Variants in FAM53A observed in about 807,000 individuals in gnomAD.
FAM53A encodes family with sequence similarity 53 member A, also known as protein FAM53A.
In FAM53A, 28 loss-of-function variants were observed where a neutral mutation model predicts 26.6. The ratio of observed to expected loss-of-function variants is 1.05; its 90% CI spans 0.78 to 1.45. The LOEUF is 1.45. Ranked by LOEUF, FAM53A falls within the 40% of genes most tolerant of loss-of-function variation. The probability of loss-of-function intolerance (pLI) is 0.00; values close to 1 mark genes in which losing one functional copy is unlikely to be tolerated. For synonymous variants in FAM53A, 290 were observed against 253.1 expected (o/e 1.15, Z -1.38); for missense variants, 650 against 575.8 (o/e 1.13, Z -1.32).
chr4:1,683,198 G>A (rs1715578436), intron 1 of FAM53A, among the ~76,000 whole-genome samples: 1 of 152,184 alleles, frequency 6.6e-6, no homozygotes, highest in South Asian at 2.1e-4. Flanking sequence ...TCTAAACAAT[G>A]TCAGTTTCCA....
At chr4:1,632,324 C>T (rs1159746451) in intron 1 of FAM53A, among the ~76,000 whole-genome samples, 4 of 152,170 alleles carry the variant, frequency 2.6e-5, no homozygotes, top group African/African-American at 7.2e-5. Context: ...GAAACGACCA[C>T]GTGCAGACAG....
At chr4:1,685,268 G>A (rs1197107629), upstream of FAM53A, among the ~76,000 whole-genome samples, 1 of 152,118 alleles carries the variant, frequency 6.6e-6, no homozygotes, top group Non-Finnish European at 1.5e-5. Context: ...CCTGGCGAGG[G>A]GCCCCTGGGG....
chr4:1,678,984 A>G (rs1053812181), intron 1 of FAM53A, among the ~76,000 whole-genome samples: 1 of 152,168 alleles, frequency 6.6e-6, no homozygotes, highest in Non-Finnish European at 1.5e-5. Context: ...GAGATACAAC[A>G]CTGAAGGCAC....
chr4:1,678,377 C>T (rs798733), intron 1 of FAM53A, among the ~76,000 whole-genome samples: 147,041 of 152,312 alleles, frequency 0.97, 71,189 homozygotes, highest in East Asian at 1. Context: ...GGCAAAAGAA[C>T]AGACAATTGT....
intron 1 of FAM53A, among the ~76,000 whole-genome samples, chr4:1,678,091 C>A (rs1046924132): frequency 3.9e-5 from 6 of 152,186 alleles, no homozygotes; most frequent in African/African-American, 1.4e-4. Context: ...ACCGTGTGTG[C>A]CCAGGCACAG....
At chr4:1,607,801 G>A in the FAM53A span, among the ~76,000 whole-genome samples, 1,035 of 152,322 alleles carry the variant, frequency 6.8e-3, 16 homozygotes, top group African/African-American at 0.022. Flanking sequence ...TTAGCTGGGC[G>A]TGGAGGCGTG....
chr4:1,654,950 T>A, intron 4 of FAM53A, 28 bp downstream of exon 4: 1 of 1,500,092 alleles, frequency 6.7e-7, no homozygotes, highest in Admixed American at 2.2e-5. Context: ...TACGCCCCTC[T>A]GAGCCCCTGG....
intron 1 of FAM53A, among the ~76,000 whole-genome samples, chr4:1,624,228 A>C (rs1715181217): frequency 6.6e-6 from 1 of 152,222 alleles, no homozygotes; most frequent in African/African-American, 2.4e-5. Flanking sequence ...TCTGTGACAC[A>C]GTGGCCATGT....
At chr4:1,637,634 CAGGGGTGG>C (rs1715905276), downstream of FAM53A, among the ~76,000 whole-genome samples, 1 of 93,634 alleles carries the variant, frequency 1.1e-5, no homozygotes, top group Non-Finnish European at 2.7e-5. Context: ...GGCAGCCCGG[CAGGGGTGG>C]GCAGGGGTGG....
At chr4:1,602,847 G>A in the FAM53A span, among the ~76,000 whole-genome samples, 33 of 152,186 alleles carry the variant, frequency 2.2e-4, no homozygotes, top group Non-Finnish European at 3.5e-4. Flanking sequence ...AGCCGGCTCC[G>A]GCGGGAGGGG....
At chr4:1,623,627 C>T (rs1280008506) in intron 1 of FAM53A, among the ~76,000 whole-genome samples, 1 of 152,214 alleles carries the variant, frequency 6.6e-6, no homozygotes, top group Non-Finnish European at 1.5e-5. Flanking sequence ...CGTCAGCAGA[C>T]GGCCGCCCGC....
chr4:1,639,358 T>C (rs1466122190), downstream of FAM53A, among the ~76,000 whole-genome samples: 2 of 152,168 alleles, frequency 1.3e-5, no homozygotes, highest in Non-Finnish European at 2.9e-5. Flanking sequence ...TCTCCACAAA[T>C]TTAATCCAAA....
Position 1,655,301 on chromosome 4 carries a change from G to T in FAM53A, c.559C>A (p.Pro187Thr). The T allele has an allele frequency of 7.0e-7, 1 of 1,423,914 alleles. No individual in the cohort carries two copies. Among genetic ancestry groups the T allele is most frequent in the Non-Finnish European group, 9.1e-7 (1 of 1,094,562 alleles). 88.2% of individuals were successfully genotyped at this position (1,423,914 alleles called of 1,614,324 possible). ...TGPTSPATPR[P>T]SSASGGFVDS... ...ACGAAGCCGCCGCTGGCGGAGGACG[G>T]CCGGGGCGTGGCGGGCGAGGTGGGA... Residue 187 changes from proline to threonine, a missense_variant, in exon 4 of 5, where the codon CCG (proline) becomes ACG (threonine). Physicochemically the swap from Pro to Thr is conservative, Grantham distance 38 (BLOSUM62 -1). Transcript: ENST00000308132.
chr4:1,655,060 C>T lies in FAM53A; in HGVS notation c.800G>A (p.Gly267Glu), dbSNP rs773442080. The change falls in exon 4 of 5, where the codon GGG becomes GAG. Residue 267 changes from glycine to glutamate, a missense_variant. Transcript: ENST00000308132. Reference protein sequence around the residue: ...RCRSQPCVLSGKRSRRKRRRE... With the variant: ...RCRSQPCVLSEKRSRRKRRRE... ...CCTCCGTTTGCGCCGGCTCCTCTTC[C>T]CACTGAGCACGCAAGGCTGTGAGCG... The T allele has an allele frequency of 6.3e-7, 1 of 1,599,094 alleles. No individual in the cohort carries two copies. The highest frequency in any genetic ancestry group is 1.1e-5 in the South Asian group (1 of 88,972).
intron 2 of FAM53A, 33 bp from the exon 3 acceptor site, chr4:1,657,501 T>C (rs780163571): frequency 1.3e-6 from 2 of 1,597,352 alleles, no homozygotes; most frequent in East Asian, 2.2e-5. Flanking sequence ...ATACTGTGAC[T>C]GACACGTGAG....
At chr4:1,605,172 C>T in the FAM53A span, among the ~76,000 whole-genome samples, 22 of 152,206 alleles carry the variant, frequency 1.4e-4, no homozygotes, top group South Asian at 2.1e-4. The surrounding 1 kb of genome is among the most constrained non-coding windows in gnomAD (Gnocchi z 5.7). Context: ...CCACGGCCTC[C>T]AGGCCCAGAA....
intron 1 of FAM53A, among the ~76,000 whole-genome samples, chr4:1,623,770 A>G (rs1715160892): frequency 6.6e-6 from 1 of 152,256 alleles, no homozygotes. Context: ...GGCGTCGGAC[A>G]GGGCTGCTAA....
the FAM53A span, among the ~76,000 whole-genome samples, chr4:1,590,495 C>T: frequency 6.6e-6 from 1 of 152,060 alleles, no homozygotes; most frequent in Admixed American, 6.6e-5. Flanking sequence ...CAATAAAAAC[C>T]TTTCCATTCC....
chr4:1,619,877 C>G (rs568703773), intron 1 of FAM53A, among the ~76,000 whole-genome samples: 18 of 152,322 alleles, frequency 1.2e-4, no homozygotes, highest in African/African-American at 4.1e-4. Context: ...AAGCTGTCCT[C>G]TCTCGCCTCA....
Sources: allele counts gnomAD v4.1 joint callset (sites outside exome capture counted in the v4.1 genomes callset), GRCh38; gene constraint gnomAD v4.1.1; non-coding constraint Gnocchi (gnomAD v3.1); transcripts MANE v1.5; gene names NCBI Gene and HGNC (gene_info 2026-07-23, HGNC 2026-07-21).